Variants in NRXN3 observed in about 807,000 individuals in gnomAD.
NRXN3 encodes neurexin 3.
NRXN3 carries 32 observed loss-of-function variants against 137.6 expected under a neutral mutation model. That is an observed-to-expected ratio of 0.23 (90% CI 0.18 to 0.31). The LOEUF (loss-of-function observed/expected upper bound fraction) is 0.31. Among genes scored for constraint, NRXN3 ranks in the 10% least tolerant of loss-of-function variants. The pLI is 1.00. For synonymous variants in NRXN3, 798 were observed against 784.5 expected (o/e 1.02, Z -0.29); for missense variants, 1,574 against 2,062.5 (o/e 0.76, Z 4.59).
At chr14:79,571,837 C>T (rs1269694470) in intron 16 of NRXN3, among the ~76,000 whole-genome samples, 3 of 152,064 alleles carry the variant, frequency 2.0e-5, no homozygotes, top group African/African-American at 2.4e-5. Flanking sequence ...AATCCTTACC[C>T]GACATGTGGA....
intron 4 of NRXN3, among the ~76,000 whole-genome samples, chr14:78,406,047 T>A (rs1313270689): frequency 6.6e-6 from 1 of 152,240 alleles, no homozygotes; most frequent in Non-Finnish European, 1.5e-5. Flanking sequence ...TTACTTCAAC[T>A]GTACTGCACA....
chr14:78,924,328 G>A lies in NRXN3; in HGVS notation c.2276-32914G>A, dbSNP rs190791207. Among the ~76,000 whole-genome samples the A allele has an allele frequency of 1.5e-3, 224 of 152,300 alleles. 1 individual carries two copies. The highest frequency in any genetic ancestry group is 3.0e-3 in the Admixed American group (46 of 15,290). ...TAGTAAGTGCCAGGTTTTATCTTAA[G>A]TAGTTTATGTGCAAACCCGATAACA... On this transcript the variant is annotated intron_variant, in intron 10 of 20. Coordinates refer to ENST00000335750, the MANE Select transcript of NRXN3 (RefSeq NM_001330195.2).
chr14:79,489,895 C>T (rs1365246498), intron 16 of NRXN3, among the ~76,000 whole-genome samples: 3 of 151,618 alleles, frequency 2.0e-5, no homozygotes, highest in South Asian at 4.2e-4. Flanking sequence ...AAAAATTAGC[C>T]GGGCATGGTG....
chr14:78,701,410 T>A (rs1468470525), intron 6 of NRXN3, among the ~76,000 whole-genome samples: 1 of 152,204 alleles, frequency 6.6e-6, no homozygotes, highest in Admixed American at 6.5e-5. Context: ...GCTCTGTGAT[T>A]CATGAGGGCA....
chr14:79,221,220 G>T (rs972319978), intron 15 of NRXN3, among the ~76,000 whole-genome samples: 2 of 152,086 alleles, frequency 1.3e-5, no homozygotes, highest in Non-Finnish European at 2.9e-5. Flanking sequence ...ACATACATGT[G>T]CATGTATCTT....
intron 15 of NRXN3, among the ~76,000 whole-genome samples, chr14:79,454,646 A>G (rs2096233601): frequency 6.6e-6 from 1 of 152,104 alleles, no homozygotes; most frequent in African/African-American, 2.4e-5. Context: ...GAACATCTCT[A>G]TTTTCCTGAT....
chr14:79,480,349 A>G (rs944253643), intron 16 of NRXN3, among the ~76,000 whole-genome samples: 2 of 152,164 alleles, frequency 1.3e-5, no homozygotes, highest in Non-Finnish European at 2.9e-5. Context: ...GCAAAGCTTA[A>G]ATTCAATACT....
At chr14:79,375,942 A>C (rs1304264966) in intron 15 of NRXN3, among the ~76,000 whole-genome samples, 2 of 151,262 alleles carry the variant, frequency 1.3e-5, no homozygotes, top group Non-Finnish European at 2.9e-5. Context: ...TTGAAAGAAT[A>C]AATCTTTAGA....
At chr14:79,063,576 A>G (rs890094603) in intron 15 of NRXN3, among the ~76,000 whole-genome samples, 5 of 152,088 alleles carry the variant, frequency 3.3e-5, no homozygotes, top group Non-Finnish European at 7.4e-5. Context: ...ATATTAACAA[A>G]ACCTTCTTCT....
chr14:78,564,204 T>A (rs2096815334), intron 4 of NRXN3, among the ~76,000 whole-genome samples: 1 of 152,196 alleles, frequency 6.6e-6, no homozygotes, highest in African/African-American at 2.4e-5. Context: ...GGAGGTGAAT[T>A]CTGGCTTTGA....
chr14:79,746,085 G>A (rs2098978754), intron 19 of NRXN3, among the ~76,000 whole-genome samples: 1 of 152,108 alleles, frequency 6.6e-6, no homozygotes, highest in Non-Finnish European at 1.5e-5. Flanking sequence ...CAAAATTCAA[G>A]CCATAACAGG....
intron 8 of NRXN3, among the ~76,000 whole-genome samples, chr14:78,776,310 C>G (rs1198428436): frequency 6.6e-6 from 1 of 152,258 alleles, no homozygotes; most frequent in East Asian, 1.9e-4. Context: ...TTCAAAGGAC[C>G]TGCCCTTTCA....
chr14:79,402,105 T>A (rs906180710), intron 15 of NRXN3, among the ~76,000 whole-genome samples: 2 of 152,020 alleles, frequency 1.3e-5, no homozygotes, highest in East Asian at 1.9e-4. Context: ...ATTTTATTTT[T>A]TTTTATTTTT....
intron 20 of NRXN3, among the ~76,000 whole-genome samples, chr14:79,840,454 T>C (rs2099353642): frequency 6.6e-6 from 1 of 152,144 alleles, no homozygotes; most frequent in Non-Finnish European, 1.5e-5. Context: ...AAGTATGAAA[T>C]AAATCTGTAG....
At chr14:79,676,101 C>T (rs1303810840) in intron 17 of NRXN3, among the ~76,000 whole-genome samples, 1 of 152,016 alleles carries the variant, frequency 6.6e-6, no homozygotes, top group Non-Finnish European at 1.5e-5. Context: ...TTGGTTGTCC[C>T]TGTCTTGCTG....
intron 15 of NRXN3, among the ~76,000 whole-genome samples, chr14:79,054,120 T>C (rs1376578717): frequency 8.2e-6 from 1 of 122,430 alleles, no homozygotes; most frequent in Non-Finnish European, 1.6e-5. Context: ...TGAAAACACA[T>C]GGACACAGGA....
chr14:79,796,549 C>A (rs2140398730), intron 19 of NRXN3, among the ~76,000 whole-genome samples: 1 of 152,194 alleles, frequency 6.6e-6, no homozygotes, highest in South Asian at 2.1e-4. Flanking sequence ...TAAACTGCTG[C>A]ACTACATTTA....
At chr14:78,187,407 A>C (rs10147619) in intron 1 of NRXN3, among the ~76,000 whole-genome samples, 34,835 of 151,800 alleles carry the variant, frequency 0.23, 4,949 homozygotes, top group African/African-American at 0.39. Flanking sequence ...TTACCTCCTG[A>C]GTCTACATGC....
chr14:79,113,412 A>G (rs2053875121), intron 15 of NRXN3, among the ~76,000 whole-genome samples: 2 of 152,116 alleles, frequency 1.3e-5, no homozygotes, highest in South Asian at 4.1e-4. Flanking sequence ...CTCCTCCATC[A>G]ATTACCCCCT....
Sources: allele counts gnomAD v4.1 joint callset (sites outside exome capture counted in the v4.1 genomes callset), GRCh38; gene constraint gnomAD v4.1.1; transcripts MANE v1.5; gene names NCBI Gene and HGNC (gene_info 2026-07-23, HGNC 2026-07-21).